Variants in TJP1 observed in about 807,000 individuals in gnomAD.
The protein encoded by TJP1 is tight junction protein ZO-1.
Under a neutral mutation model 194.2 loss-of-function variants are expected in TJP1, and 43 were observed. The ratio of observed to expected loss-of-function variants is 0.22; its 90% CI spans 0.17 to 0.29. The LOEUF is 0.29. TJP1 is among the 10% of genes least tolerant of loss of function. The pLI, the probability that TJP1 is intolerant of heterozygous loss-of-function variation, is 1.00. For synonymous variants in TJP1, 801 were observed against 779.0 expected (o/e 1.03, Z -0.47); for missense variants, 1,971 against 2,185.7 (o/e 0.90, Z 1.96).
Position 29,917,295 on chromosome 15 carries a change from A to C in TJP1, c.306+38937T>G, listed in dbSNP as rs191474408. Among the ~76,000 whole-genome samples, 7 of 152,354 alleles carry C rather than the reference A, an allele frequency of 4.6e-5. No homozygotes were observed. In the East Asian group the frequency reaches 1.3e-3, roughly 29 times the overall value. On this transcript the variant is annotated intron_variant, in intron 2 of 28. Transcript: ENST00000356107. ...ATAAGCATTTTGAATTTTCATTTGT[A>C]TGTGAGTGGATTCAAAAGATTAAAG...
intron 2 of TJP1, among the ~76,000 whole-genome samples, chr15:29,797,195 C>T (rs1007653668): frequency 5.3e-5 from 8 of 152,156 alleles, no homozygotes; most frequent in African/African-American, 1.9e-4. Flanking sequence ...GTCTCCCATG[C>T]TGGAGTGCAG....
intron 27 of TJP1, among the ~76,000 whole-genome samples, chr15:29,703,832 G>A (rs1418592445): frequency 6.6e-6 from 1 of 151,950 alleles, no homozygotes; most frequent in Non-Finnish European, 1.5e-5. Flanking sequence ...TAGTAGAGAT[G>A]GGGTTTCACC....
chr15:29,820,645 C>A, intron 1 of TJP1: 2 of 699,356 alleles, frequency 2.9e-6, no homozygotes, highest in Non-Finnish European at 5.3e-6. Context: ...AAGTGACATT[C>A]TGTGTAATAC....
At chr15:29,769,293 CTT>C (rs2046506851) in intron 4 of TJP1, among the ~76,000 whole-genome samples, 1 of 152,124 alleles carries the variant, frequency 6.6e-6, no homozygotes, top group Non-Finnish European at 1.5e-5. Context: ...ATTTGAAACA[CTT>C]GTTTAGTTTA....
At chr15:29,884,770 A>T (rs2053058854) in intron 2 of TJP1, among the ~76,000 whole-genome samples, 2 of 152,210 alleles carry the variant, frequency 1.3e-5, no homozygotes, top group African/African-American at 4.8e-5. Context: ...ACAAAGAGGT[A>T]CAGTTCAAGG....
intron 8 of TJP1, among the ~76,000 whole-genome samples, chr15:29,757,045 C>T (rs981831071): frequency 3.3e-5 from 5 of 152,134 alleles, no homozygotes; most frequent in East Asian, 3.8e-4. Context: ...CATTCTGTAA[C>T]GTATGACCTG....
At chr15:29,716,869 C>A (rs1359003665) in intron 22 of TJP1, 31 bp from the exon 23 acceptor site, 2 of 1,534,386 alleles carry the variant, frequency 1.3e-6, no homozygotes, top group Non-Finnish European at 1.8e-6. Context: ...AACGGAACAC[C>A]TTTTTAAATA....
intron 2 of TJP1, among the ~76,000 whole-genome samples, chr15:29,949,778 TCCACCACCA>T (rs1426888219): frequency 2.6e-5 from 1 of 38,414 alleles, no homozygotes; most frequent in Non-Finnish European, 5.1e-5. Context: ...CTCCACCACC[TCCACCACCA>T]CCACCTCCAC....
At chr15:29,944,187 G>T (rs1437959055) in intron 2 of TJP1, among the ~76,000 whole-genome samples, 1 of 151,768 alleles carries the variant, frequency 6.6e-6, no homozygotes, top group African/African-American at 2.4e-5. Flanking sequence ...CCGCCTCCCG[G>T]GTTCATGCCA....
intron 1 of TJP1, among the ~76,000 whole-genome samples, chr15:29,819,674 C>A (rs1485315612): frequency 6.6e-6 from 1 of 152,148 alleles, no homozygotes; most frequent in Non-Finnish European, 1.5e-5. Flanking sequence ...TTCTACAATA[C>A]AACACTAGAA....
intron 8 of TJP1, among the ~76,000 whole-genome samples, chr15:29,757,076 G>A (rs1306381229): frequency 6.6e-6 from 1 of 152,120 alleles, no homozygotes; most frequent in African/African-American, 2.4e-5. Context: ...TGCATATGGG[G>A]ATGCTGAAAC....
At chr15:29,788,214 T>C (rs2047829803) in intron 2 of TJP1, among the ~76,000 whole-genome samples, 1 of 152,204 alleles carries the variant, frequency 6.6e-6, no homozygotes, top group Admixed American at 6.5e-5. Context: ...ACAAATCCCT[T>C]ATCAGATGTA....
intron 8 of TJP1, chr15:29,760,351 A>G (rs1169355675): frequency 3.7e-5 from 25 of 667,576 alleles, no homozygotes; most frequent in Non-Finnish European, 6.8e-5. Context: ...CTACCAGTAT[A>G]CCAGAACCTT....
intron 1 of TJP1, among the ~76,000 whole-genome samples, chr15:29,817,925 G>T (rs2050045546): frequency 6.6e-6 from 1 of 151,738 alleles, no homozygotes; most frequent in Admixed American, 6.6e-5. Context: ...TAGATGATGG[G>T]TTCATAGGTG....
At chr15:29,791,037 C>CT (rs140936808) in intron 2 of TJP1, among the ~76,000 whole-genome samples, 16 of 150,656 alleles carry the variant, frequency 1.1e-4, no homozygotes, top group Non-Finnish European at 1.6e-4. Context: ...TACTCGTTTC[C>CT]TTTTTTTTTG....
At chr15:29,864,585 G>A (rs906144702) in intron 2 of TJP1, among the ~76,000 whole-genome samples, 1 of 152,094 alleles carries the variant, frequency 6.6e-6, no homozygotes, top group African/African-American at 2.4e-5. Flanking sequence ...ATCTGGGCCG[G>A]GTTCAACTGC....
intron 2 of TJP1, among the ~76,000 whole-genome samples, chr15:29,881,500 G>C (rs561824253): frequency 4.6e-5 from 7 of 152,272 alleles, no homozygotes; most frequent in African/African-American, 1.7e-4. Context: ...CCTATTACCT[G>C]AGTTTAAATT....
At chr15:29,867,148 T>C (rs893241809) in intron 2 of TJP1, among the ~76,000 whole-genome samples, 1 of 152,200 alleles carries the variant, frequency 6.6e-6, no homozygotes, top group Admixed American at 6.5e-5. Context: ...GAAAGAGCAA[T>C]TTCTGACTGA....
chr15:29,919,450 A>G (rs933457374), intron 2 of TJP1, among the ~76,000 whole-genome samples: 10 of 152,200 alleles, frequency 6.6e-5, no homozygotes, highest in African/African-American at 2.4e-4. Flanking sequence ...AGTGCTGGGA[A>G]CAGAGGTGAA....
Sources: gnomAD v4.1 joint callset for allele counts (sites outside exome capture counted in the v4.1 genomes callset) on GRCh38, gnomAD v4.1.1 for gene constraint, MANE v1.5 for transcripts, NCBI Gene and HGNC (gene_info 2026-07-23, HGNC 2026-07-21) for gene names.